Variants in PPP1R3F observed in about 807,000 individuals in gnomAD.
PPP1R3F encodes the protein protein phosphatase 1, regulatory (inhibitor) subunit 3F.
PPP1R3F carries 29 observed loss-of-function variants against 24.2 expected under a neutral mutation model. The ratio of observed to expected loss-of-function variants is 1.20; its 90% confidence interval spans 0.89 to 1.63. The LOEUF (loss-of-function observed/expected upper bound fraction) is 1.63, where lower values mean the gene tolerates loss of function less well. Ranked by LOEUF, PPP1R3F falls within the 40% of genes most tolerant of loss-of-function variation. PPP1R3F has a pLI of 0.00. For synonymous variants in PPP1R3F, 363 were observed against 340.1 expected (o/e 1.07, Z -0.74); for missense variants, 823 against 729.3 (o/e 1.13, Z -1.48).
chrX:49,284,272 G>T (rs2066266175), intron 3 of PPP1R3F, among the ~76,000 whole-genome samples: 1 of 111,152 alleles, frequency 9.0e-6, no homozygotes, highest in South Asian at 3.8e-4. Context: ...GACAATATGT[G>T]CTAGGTTCAT....
chrX:49,300,154 G>A (rs1293876808), intron 3 of PPP1R3F, among the ~76,000 whole-genome samples: 1 of 111,887 alleles, frequency 8.9e-6, no homozygotes, highest in Admixed American at 9.5e-5. Flanking sequence ...GCACAGGAGG[G>A]AATCTCCTGG....
chrX:49,289,894 C>T (rs782046612), downstream of PPP1R3F, among the ~76,000 whole-genome samples: 12 of 111,008 alleles, frequency 1.1e-4, no homozygotes, highest in Non-Finnish European at 2.1e-4. Context: ...TGTGGGGAAA[C>T]CCCGTCTGTA....
Position 49,287,428 on chromosome X carries a change from C to T in PPP1R3F, c.*338C>T. ...CAGAGATATATTTATTAACAGCCAA[C>T]CTGTGCAACCTGCTGGAGCTTTATT... On this transcript the variant is annotated 3_prime_UTR_variant, in exon 4 of 4. Coordinates refer to ENST00000055335, the MANE Select transcript of PPP1R3F (RefSeq NM_033215.5). 4.5e-6 allele frequency: 1 copy of T among 223,744 alleles called. No homozygotes were observed. The highest frequency in any genetic ancestry group is 1.3e-4 in the South Asian group (1 of 7,643). The allele number at this position is 223,744 out of a possible 1,213,427, so 18.4% of individuals were successfully genotyped here.
Position 49,281,450 on chromosome X carries a change from C to G in PPP1R3F, c.1049C>G (p.Thr350Ser), listed in dbSNP as rs782703624. ...ELKTKNMDDN[T>S]FAMAEHPDVQ... Reference sequence around the variant, plus strand: ...AAGACGAAGAACATGGATGATAACACCTTTGCCATGGGTAAGCAATTGGCA... The same window carrying G: ...AAGACGAAGAACATGGATGATAACAGCTTTGCCATGGGTAAGCAATTGGCA... The change falls in exon 2 of 4, where the codon ACC becomes AGC. Residue 350 changes from threonine (T) to serine (S), a missense_variant. Thr to Ser is a moderately conservative substitution (Grantham distance 58). Transcript: ENST00000055335. 1.7e-6 allele frequency: 2 copies of G among 1,205,810 alleles called. No homozygotes were observed. The highest frequency in any genetic ancestry group is 5.9e-5 in the East Asian group (2 of 33,810).
chrX:49,299,851 G>C (rs2066332564), intron 3 of PPP1R3F, among the ~76,000 whole-genome samples: 1 of 111,615 alleles, frequency 9.0e-6, no homozygotes, highest in Admixed American at 9.5e-5. Context: ...AATGACAAAC[G>C]CCCCTCCCCC....
At chrX:49,284,499 C>T (rs868943941) in intron 3 of PPP1R3F, among the ~76,000 whole-genome samples, 106 of 49,370 alleles carry the variant, frequency 2.1e-3, no homozygotes, top group Middle Eastern at 0.019. Context: ...TTTCTTTTTT[C>T]TTTTTCTTTC....
At chrX:49,295,516 A>G (rs1349182067) in intron 3 of PPP1R3F, among the ~76,000 whole-genome samples, 2 of 108,807 alleles carry the variant, frequency 1.8e-5, no homozygotes, top group Non-Finnish European at 3.8e-5. Flanking sequence ...ATGGTGTCTT[A>G]TTTTTGTATA....
intron 1 of PPP1R3F, chrX:49,275,058 T>G (rs1557119866): frequency 9.1e-6 from 1 of 110,134 alleles, no homozygotes; most frequent in Non-Finnish European, 1.9e-5. Context: ...GCATCCCTTC[T>G]GTCTCCGCTG....
chrX:49,270,085 T>TGGCGGCGGC lies in PPP1R3F; in HGVS notation c.225_233dup (p.Gly76_Gly78dup), dbSNP rs781904515. ...AGATGGCGGCGGCGGCCGGGCAAGA[T>TGGCGGCGGC]GGCGGCGGCGGCGGCGGGGCCGACG... On this transcript the variant is annotated inframe_insertion, in exon 1 of 4. Transcript: ENST00000055335. The TGGCGGCGGC allele has an allele frequency of 1.0e-5, 10 of 1,001,291 alleles. No individual in the cohort carries two copies. The highest frequency in any genetic ancestry group is 1.3e-5 in the Non-Finnish European group (10 of 796,453). The allele number at this position is 1,001,291 out of a possible 1,213,427, so 82.5% of individuals were successfully genotyped here.
intron 1 of PPP1R3F, among the ~76,000 whole-genome samples, chrX:49,278,396 A>G (rs1191295846): frequency 8.9e-6 from 1 of 112,361 alleles, no homozygotes; most frequent in Non-Finnish European, 1.9e-5. Flanking sequence ...AAAAAGAAGT[A>G]AGTTAGTGCA....
chrX:49,278,699 A>G (rs1331065587), intron 1 of PPP1R3F, among the ~76,000 whole-genome samples: 6 of 112,477 alleles, frequency 5.3e-5, no homozygotes, highest in Non-Finnish European at 7.5e-5. Context: ...TGTTTATAGA[A>G]AGCAGTTCTT....
intron 3 of PPP1R3F, among the ~76,000 whole-genome samples, chrX:49,283,531 A>G (rs1465732198): frequency 3.6e-5 from 4 of 111,906 alleles, no homozygotes; most frequent in African/African-American, 1.3e-4. Context: ...ATTCCTCAGT[A>G]TCATCAAGTA....
At chrX:49,276,562 A>G (rs963202099) in intron 1 of PPP1R3F, among the ~76,000 whole-genome samples, 1 of 112,855 alleles carries the variant, frequency 8.9e-6, no homozygotes, top group Non-Finnish European at 1.9e-5. Flanking sequence ...ACATGCAGTA[A>G]AGGTAAGTAT....
At position 49,286,374 on chromosome X, in the gene PPP1R3F, C is replaced by A. The variant is rs199740337; in HGVS notation, c.1684C>A (p.Arg562Ser). The change falls in exon 4 of 4, where the codon CGT becomes AGT. Residue 562 changes from arginine to serine, a missense_variant. By Grantham distance (110) the Arg-to-Ser change is moderately radical. Transcript: ENST00000055335. The stretch of plus-strand genomic sequence containing the variant: ...CACGCTGCACTATGCCCGGCTGGGG[C>A]GTGGCGTGGAGCTCATCAAGGACAC... ...EITLHYARLGRGVELIKDTED... is the reference protein window; with the variant it reads ...EITLHYARLGSGVELIKDTED... 1 of 1,192,456 alleles carries A rather than the reference C, an allele frequency of 8.4e-7. No homozygotes were observed. Among genetic ancestry groups the A allele is most frequent in the East Asian group, 3.0e-5 (1 of 33,568 alleles).
downstream of PPP1R3F, among the ~76,000 whole-genome samples, chrX:49,291,097 C>T (rs781796666): frequency 1.2e-4 from 13 of 111,673 alleles, no homozygotes; most frequent in East Asian, 2.8e-4. Context: ...AGTGATCCTC[C>T]GACCTCAGCC....
intron 3 of PPP1R3F, among the ~76,000 whole-genome samples, chrX:49,298,781 C>G (rs1557123081): frequency 9.1e-6 from 1 of 110,445 alleles, no homozygotes; most frequent in Non-Finnish European, 1.9e-5. Context: ...ATCCTTTCTT[C>G]CGCTTGATCG....
chrX:49,278,916 T>A (rs1174124502), intron 1 of PPP1R3F, among the ~76,000 whole-genome samples: 1 of 112,655 alleles, frequency 8.9e-6, no homozygotes, highest in Non-Finnish European at 1.9e-5. Context: ...CCAGTCTCCC[T>A]CATCCAAGAA....
At chrX:49,276,625 G>A (rs782624339) in intron 1 of PPP1R3F, among the ~76,000 whole-genome samples, 2 of 112,514 alleles carry the variant, frequency 1.8e-5, no homozygotes, top group Admixed American at 9.4e-5. Flanking sequence ...CTGTTTACAC[G>A]TGTGGGTGTG....
chrX:49,283,422 A>G (rs1602712080), intron 3 of PPP1R3F, among the ~76,000 whole-genome samples: 1 of 111,155 alleles, frequency 9.0e-6, no homozygotes, highest in Non-Finnish European at 1.9e-5. Context: ...TGGCCTCCCA[A>G]AGTGCTGGGA....
Sources: gnomAD v4.1 joint callset for allele counts (sites outside exome capture counted in the v4.1 genomes callset) on GRCh38, gnomAD v4.1.1 for gene constraint, MANE v1.5 for transcripts, NCBI Gene and HGNC (gene_info 2026-07-23, HGNC 2026-07-21) for gene names.